The following VIT variants were observed in gnomAD, a reference collection of about 807,000 sequenced individuals.
The protein encoded by VIT is vitrin.
A neutral mutation model predicts 78.0 loss-of-function variants in VIT; 99 were observed. That is an observed-to-expected ratio of 1.27 (90% confidence interval 1.08 to 1.50). The LOEUF (loss-of-function observed/expected upper bound fraction) is 1.50. Ranked by LOEUF, VIT falls within the 40% of genes most tolerant of loss-of-function variation. The pLI, the probability that VIT is intolerant of heterozygous loss-of-function variation, is 0.00. For missense variants in VIT, 1,126 were observed against 875.3 expected (o/e 1.29, Z -3.61); for synonymous variants, 374 against 334.3 (o/e 1.12, Z -1.29).
At chr2:36,702,211 G>A (rs1346349415) in intron 1 of VIT, among the ~76,000 whole-genome samples, 1 of 152,132 alleles carries the variant, frequency 6.6e-6, no homozygotes, top group Non-Finnish European at 1.5e-5. Context: ...CCATGCTTGG[G>A]AGGCCAGTGT....
chr2:36,783,459 C>T, intron 11 of VIT, 57 bp downstream of exon 11: 6 of 1,563,596 alleles, frequency 3.8e-6, no homozygotes, highest in Non-Finnish European at 5.3e-6. Flanking sequence ...ACTGCTCTCT[C>T]CTCTCTTCCC....
At chr2:36,743,370 A>C in intron 4 of VIT, 114 bp downstream of exon 4, 1 of 1,134,794 alleles carries the variant, frequency 8.8e-7, no homozygotes, top group Non-Finnish European at 1.2e-6. Context: ...TTTTTAGCTC[A>C]AAATCTTTAT....
intron 4 of VIT, among the ~76,000 whole-genome samples, chr2:36,754,422 TAAAG>T (rs897061654): frequency 1.3e-5 from 2 of 152,190 alleles, no homozygotes; most frequent in African/African-American, 4.8e-5. Flanking sequence ...CCCAGAAATT[TAAAG>T]AAACAATTTT....
chr2:36,759,138 C>A (rs763357178), intron 6 of VIT, 92 bp downstream of exon 6: 1 of 1,611,668 alleles, frequency 6.2e-7, no homozygotes, highest in Non-Finnish European at 8.5e-7. Flanking sequence ...ACATCTTAAC[C>A]GGTCAAGCTC....
chr2:36,716,237 A>G (rs1666125935), intron 1 of VIT, 116 bp from the exon 2 acceptor site: 1 of 713,940 alleles, frequency 1.4e-6, no homozygotes, highest in South Asian at 2.2e-5. Context: ...ATAGCCTGGA[A>G]TCGTAAGACT....
chr2:36,732,829 G>A (rs1667289578), intron 3 of VIT, among the ~76,000 whole-genome samples: 1 of 152,210 alleles, frequency 6.6e-6, no homozygotes. Flanking sequence ...TATCTGGGAG[G>A]GCTTCCTGGA....
intron 4 of VIT, among the ~76,000 whole-genome samples, chr2:36,753,988 A>G (rs527661239): frequency 1.3e-5 from 2 of 152,252 alleles, no homozygotes; most frequent in Non-Finnish European, 2.9e-5. Flanking sequence ...ATGAATGGCA[A>G]TAACAGCATT....
chr2:36,755,766 AGAGTT>A, intron 5 of VIT, among the ~76,000 whole-genome samples: 1 of 152,316 alleles, frequency 6.6e-6, no homozygotes, highest in East Asian at 1.9e-4. Flanking sequence ...TATATAAAGA[AGAGTT>A]GCTTTCCCCC....
intron 12 of VIT, among the ~76,000 whole-genome samples, chr2:36,787,609 G>A (rs1024858255): frequency 1.3e-5 from 2 of 152,208 alleles, no homozygotes; most frequent in Admixed American, 1.3e-4. Flanking sequence ...CTAGGCCTTC[G>A]CCTCTCTGAT....
At chr2:36,807,669 G>A (rs1313022745) in intron 14 of VIT, among the ~76,000 whole-genome samples, 2 of 152,156 alleles carry the variant, frequency 1.3e-5, no homozygotes, top group South Asian at 2.1e-4. Context: ...ACCACGCCTT[G>A]GGAACATTAT....
intron 4 of VIT, 26 bp from the exon 5 acceptor site, chr2:36,754,895 T>G: frequency 6.2e-7 from 1 of 1,600,748 alleles, no homozygotes; most frequent in East Asian, 2.2e-5. Context: ...TGTTCTTTCC[T>G]GAAAAATTAT....
intron 3 of VIT, among the ~76,000 whole-genome samples, chr2:36,734,788 C>T (rs891423946): frequency 2.6e-5 from 4 of 152,102 alleles, no homozygotes; most frequent in South Asian, 2.1e-4. Context: ...TTGGTCTGTC[C>T]GTGGGCTCCA....
intron 10 of VIT, among the ~76,000 whole-genome samples, chr2:36,782,489 A>C (rs895640743): frequency 6.6e-6 from 1 of 152,220 alleles, no homozygotes; most frequent in Non-Finnish European, 1.5e-5. Context: ...GCCAAGCGCG[A>C]GCGAAGACCC....
chr2:36,786,615 C>A (rs1665112834), intron 11 of VIT, among the ~76,000 whole-genome samples: 1 of 152,198 alleles, frequency 6.6e-6, no homozygotes, highest in Non-Finnish European at 1.5e-5. Context: ...GGTTCCCTCG[C>A]CCAGGGAAAT....
At chr2:36,718,874 C>A (rs771824991) in intron 2 of VIT, among the ~76,000 whole-genome samples, 3 of 152,216 alleles carry the variant, frequency 2.0e-5, no homozygotes, top group Non-Finnish European at 2.9e-5. Context: ...CTTGAAAGCA[C>A]AAGGTCCTTC....
At chr2:36,802,373 T>A (rs1666394703) in intron 13 of VIT, among the ~76,000 whole-genome samples, 1 of 152,020 alleles carries the variant, frequency 6.6e-6, no homozygotes, top group African/African-American at 2.4e-5. Flanking sequence ...AGAAATGGAG[T>A]CATGAGCCAC....
Position 36,754,830 on chromosome 2 carries a change from TAAATA to T in VIT, c.276-88_276-84del. ...CTTAACCTTGCTGCTTTCCTATGTG[TAAATA>T]AAGATGGCGACTGGTTTTCTAGCCT... On this transcript the variant is annotated intron_variant, in intron 4 of 15. Coordinates refer to ENST00000379242, the MANE Select transcript of VIT (RefSeq NM_053276.4). The T allele has an allele frequency of 3.5e-6, 5 of 1,439,862 alleles. No individual in the cohort carries two copies. The South Asian group carries it at 6.9e-5, about 20-fold the overall frequency. The allele number at this position is 1,439,862 out of a possible 1,614,324, so 89.2% of individuals were successfully genotyped here.
At chr2:36,756,075 A>G (rs183171911) in intron 5 of VIT, among the ~76,000 whole-genome samples, 9,654 of 148,740 alleles carry the variant, frequency 0.065, 810 homozygotes, top group African/African-American at 0.2. Context: ...TTCCTGCCTC[A>G]GCCTCCCGAG....
chr2:36,770,830 C>A (rs1050641459), intron 7 of VIT, among the ~76,000 whole-genome samples: 13 of 152,196 alleles, frequency 8.5e-5, no homozygotes, highest in African/African-American at 2.9e-4. Context: ...GTTGCCTCAG[C>A]TGAGCTAGCA....
Sources: allele counts gnomAD v4.1 joint callset (sites outside exome capture counted in the v4.1 genomes callset), GRCh38; gene constraint gnomAD v4.1.1; transcripts MANE v1.5; gene names NCBI Gene and HGNC (gene_info 2026-07-23, HGNC 2026-07-21).